Variants in BCKDHB observed in about 807,000 individuals in gnomAD.
BCKDHB encodes branched chain keto acid dehydrogenase E1 subunit beta.
In BCKDHB, 41 loss-of-function variants were observed where a neutral mutation model predicts 48.5. The ratio of observed to expected loss-of-function variants is 0.85; its 90% CI spans 0.66 to 1.10. The LOEUF (loss-of-function observed/expected upper bound fraction) is 1.10. BCKDHB is among the 50% of genes least tolerant of loss of function. The probability of loss-of-function intolerance (pLI) is 0.00; values close to 1 mark genes in which losing one functional copy is unlikely to be tolerated. For synonymous variants in BCKDHB, 201 were observed against 174.8 expected (o/e 1.15, Z -1.18); for missense variants, 496 against 494.2 (o/e 1.00, Z -0.03).
chr6:80,241,894 C>G (rs996124821), intron 8 of BCKDHB, among the ~76,000 whole-genome samples: 5 of 152,112 alleles, frequency 3.3e-5, no homozygotes, highest in Admixed American at 2.0e-4. Context: ...TTCCACTTTT[C>G]TATTGGGGGA....
chr6:80,370,455 G>A, the BCKDHB span, among the ~76,000 whole-genome samples: 143,873 of 152,156 alleles, frequency 0.95, 68,553 homozygotes, highest in East Asian at 1. Context: ...TGTTACATGA[G>A]TAAGTTCTCT....
intron 8 of BCKDHB, among the ~76,000 whole-genome samples, chr6:80,245,831 G>T (rs569183514): frequency 4.6e-5 from 7 of 152,196 alleles, no homozygotes; most frequent in African/African-American, 1.7e-4. Context: ...ATCCCAGCAC[G>T]TTGGGAGGCC....
At chr6:80,116,268 C>G (rs756594991) in intron 1 of BCKDHB, among the ~76,000 whole-genome samples, 1 of 152,194 alleles carries the variant, frequency 6.6e-6, no homozygotes. Context: ...CATTTGCCCC[C>G]CTCCTGCAGT....
At chr6:80,275,603 T>G (rs931287123) in intron 9 of BCKDHB, among the ~76,000 whole-genome samples, 1 of 152,050 alleles carries the variant, frequency 6.6e-6, no homozygotes, top group Non-Finnish European at 1.5e-5. Flanking sequence ...GAGCATGATA[T>G]CCATAAATGT....
At chr6:80,305,751 G>A (rs1387669301) in intron 9 of BCKDHB, among the ~76,000 whole-genome samples, 1 of 152,164 alleles carries the variant, frequency 6.6e-6, no homozygotes, top group African/African-American at 2.4e-5. Context: ...ACACAGCACT[G>A]ATGACACCTG....
intron 3 of BCKDHB, among the ~76,000 whole-genome samples, chr6:80,165,905 C>T (rs998425504): frequency 6.6e-5 from 10 of 152,144 alleles, no homozygotes; most frequent in African/African-American, 1.9e-4. Context: ...TTTTGGGGCT[C>T]CTCCATGCTG....
intron 3 of BCKDHB, among the ~76,000 whole-genome samples, chr6:80,137,931 T>G (rs1393175214): frequency 6.9e-6 from 1 of 144,690 alleles, no homozygotes; most frequent in Non-Finnish European, 1.5e-5. Context: ...TACAAAAAAT[T>G]AAAAAAAAAA....
chr6:80,406,395 G>T, the BCKDHB span, among the ~76,000 whole-genome samples: 14 of 152,120 alleles, frequency 9.2e-5, no homozygotes, highest in Non-Finnish European at 1.6e-4. Flanking sequence ...TGTCTCAAAT[G>T]GTATTTCTAG....
the BCKDHB span, among the ~76,000 whole-genome samples, chr6:80,416,272 ATCT>A: frequency 4.0e-5 from 6 of 148,298 alleles, no homozygotes; most frequent in Non-Finnish European, 6.0e-5. Context: ...TTGTATGTCA[ATCT>A]TCTTCAGTTC....
the BCKDHB span, among the ~76,000 whole-genome samples, chr6:80,367,191 T>A: frequency 3.9e-5 from 6 of 152,194 alleles, no homozygotes; most frequent in African/African-American, 1.4e-4. Context: ...TCAATATAAT[T>A]CTGTTTCTTT....
the BCKDHB span, among the ~76,000 whole-genome samples, chr6:80,398,992 A>C: frequency 6.6e-6 from 1 of 152,088 alleles, no homozygotes; most frequent in Non-Finnish European, 1.5e-5. Context: ...CATAAACAGA[A>C]CTAGAGGCAA....
At chr6:80,210,924 G>A (rs1354404120) in intron 8 of BCKDHB, among the ~76,000 whole-genome samples, 11 of 152,108 alleles carry the variant, frequency 7.2e-5, no homozygotes, top group African/African-American at 2.2e-4. Flanking sequence ...GTGAGCTGCC[G>A]TGTTAACAAA....
chr6:80,300,165 C>T (rs1366154211), intron 9 of BCKDHB, among the ~76,000 whole-genome samples: 2 of 152,066 alleles, frequency 1.3e-5, no homozygotes, highest in Non-Finnish European at 2.9e-5. Flanking sequence ...GATCCTCCCA[C>T]CTCAGCCTCC....
At chr6:80,270,410 ACAAT>A (rs1443541086) in intron 8 of BCKDHB, among the ~76,000 whole-genome samples, 1 of 152,142 alleles carries the variant, frequency 6.6e-6, no homozygotes, top group South Asian at 2.1e-4. Context: ...AATTTTTGTG[ACAAT>A]CATTGTTTAT....
downstream of BCKDHB, among the ~76,000 whole-genome samples, chr6:80,346,789 C>G (rs73467544): frequency 6.6e-6 from 1 of 152,030 alleles, no homozygotes; most frequent in Non-Finnish European, 1.5e-5. Flanking sequence ...TCTTACTCTG[C>G]CTCTTCTGCC....
chr6:80,160,975 A>G (rs556895697), intron 3 of BCKDHB, among the ~76,000 whole-genome samples: 1 of 152,352 alleles, frequency 6.6e-6, no homozygotes, highest in South Asian at 2.1e-4. Flanking sequence ...GTTTAGAAAG[A>G]AGTAATTCAG....
At chr6:80,377,775 C>T in the BCKDHB span, among the ~76,000 whole-genome samples, 1 of 152,138 alleles carries the variant, frequency 6.6e-6, no homozygotes, top group Non-Finnish European at 1.5e-5. Flanking sequence ...ATTTCTCCTA[C>T]TATATTTTTC....
At chr6:80,153,152 G>T (rs756827340) in intron 3 of BCKDHB, among the ~76,000 whole-genome samples, 1 of 127,342 alleles carries the variant, frequency 7.9e-6, no homozygotes, top group South Asian at 2.6e-4. Flanking sequence ...TTTTGCAGAA[G>T]GTGAGCCGTG....
the BCKDHB span, chr6:80,465,784 A>G: frequency 6.6e-6 from 1 of 152,216 alleles, no homozygotes; most frequent in Non-Finnish European, 1.5e-5. Flanking sequence ...CTGCTTGCCG[A>G]TAGGGAAGTA....
Sources: allele counts gnomAD v4.1 joint callset (sites outside exome capture counted in the v4.1 genomes callset), GRCh38; gene constraint gnomAD v4.1.1; transcripts MANE v1.5; gene names NCBI Gene and HGNC (gene_info 2026-07-23, HGNC 2026-07-21).